ZDHHC3: variants seen among roughly 807,000 people sequenced by gnomAD.
ZDHHC3 encodes palmitoyltransferase ZDHHC3.
In ZDHHC3, 9 loss-of-function variants were observed where a neutral mutation model predicts 30.6. The ratio of observed to expected loss-of-function variants is 0.29; its 90% CI spans 0.18 to 0.51. ZDHHC3 has a LOEUF of 0.51. ZDHHC3 is among the 20% of genes least tolerant of loss of function. The probability of loss-of-function intolerance (pLI) is 0.97; values close to 1 mark genes in which losing one functional copy is unlikely to be tolerated. For synonymous variants in ZDHHC3, 136 were observed against 140.2 expected (o/e 0.97, Z 0.21); for missense variants, 246 against 384.2 (o/e 0.64, Z 3.01).
In ZDHHC3 at chr3:44,917,884, C is replaced by T. The variant is rs1233269031; in HGVS notation, c.*8805G>A. On this transcript the variant is annotated 3_prime_UTR_variant, in exon 7 of 7. Transcript: ENST00000424952. ...ACTTTTTAGTGTTTGCTTCTCTCCC[C>T]ACAGCAGCATCTATTCATCTGTCAC... 61 of 1,299,624 alleles carry T rather than the reference C, an allele frequency of 4.7e-5. No homozygotes were observed. Among genetic ancestry groups the T allele is most frequent in the Non-Finnish European group, 6.0e-5 (59 of 988,628 alleles). The allele number at this position is 1,299,624 out of a possible 1,614,324, so 80.5% of individuals were successfully genotyped here.
At chr3:44,965,650 A>T (rs372206807) in intron 1 of ZDHHC3, among the ~76,000 whole-genome samples, 1 of 152,228 alleles carries the variant, frequency 6.6e-6, no homozygotes, top group Non-Finnish European at 1.5e-5. Flanking sequence ...CCCACAGTCC[A>T]TGCTTTATGG....
rs1317904857 is a variant in ZDHHC3, at chr3:44,918,236, G to A, written c.*8453C>T. 55 of 919,390 alleles carry A rather than the reference G, an allele frequency of 6.0e-5. No homozygotes were observed. The highest frequency in any genetic ancestry group is 2.2e-4 in the East Asian group (2 of 9,110). The allele number at this position is 919,390 out of a possible 1,614,324, so 57.0% of individuals were successfully genotyped here. A position where few individuals can be genotyped will look rare whatever the true frequency, so the allele number is the denominator to read the frequency against. The stretch of plus-strand genomic sequence containing the variant: ...CCCAGCTATAGCATAGCAGTGGCGG[G>A]GGGGGGGGCGGGGTGTCCACGGCAT... On this transcript the variant is annotated 3_prime_UTR_variant, in exon 7 of 7. Transcript: ENST00000424952.
Position 44,920,887 on chromosome 3 carries a change from A to G in ZDHHC3, c.*5802T>C, listed in dbSNP as rs1008314584. The G allele has an allele frequency of 1.0e-6, 1 of 985,432 alleles. No homozygotes were observed. The highest frequency in any genetic ancestry group is 1.2e-6 in the Non-Finnish European group (1 of 829,920). 61.0% of individuals were successfully genotyped at this position (985,432 alleles called of 1,614,324 possible). ...TCAGGGAGTGTTGACTTTTGAGTCT[A>G]GAAAGAAAATATTGCAAACAAATCC... On this transcript the variant is annotated 3_prime_UTR_variant, in exon 7 of 7. Coordinates refer to ENST00000424952, the MANE Select transcript of ZDHHC3 (RefSeq NM_001135179.2).
chr3:44,970,033 C>T (rs958473167), intron 1 of ZDHHC3: 1 of 152,212 alleles, frequency 6.6e-6, no homozygotes, highest in African/African-American at 2.4e-5. Flanking sequence ...TAGGCTAGGC[C>T]AGAGCTTGGT....
At chr3:44,948,969 A>G (rs1439587246) in intron 2 of ZDHHC3, among the ~76,000 whole-genome samples, 1 of 152,258 alleles carries the variant, frequency 6.6e-6, no homozygotes, top group Admixed American at 6.5e-5. Flanking sequence ...GGCAATGAGA[A>G]AGTCTGAAGG....
rs1170666671 is a variant in ZDHHC3, at chr3:44,923,241, A to C, written c.*3448T>G. ...CAGACGCCTGCCACCACGCCCAGCT[A>C]ATTTTTTTATATTTTTAGTAGAGAC... On this transcript the variant is annotated 3_prime_UTR_variant, in exon 7 of 7. Coordinates refer to ENST00000424952, the MANE Select transcript of ZDHHC3 (RefSeq NM_001135179.2). 2 of 850,204 alleles carry C rather than the reference A, an allele frequency of 2.4e-6. No homozygotes were observed. Among genetic ancestry groups the C allele is most frequent in the Non-Finnish European group, 2.8e-6 (2 of 707,256 alleles). The allele number at this position is 850,204 out of a possible 1,614,324, so 52.7% of individuals were successfully genotyped here.
rs1238871906 is a variant in ZDHHC3, at chr3:44,972,721, T to C, written c.-25+3212A>G. Among the ~76,000 whole-genome samples, 3 of 152,242 alleles carry C rather than the reference T, an allele frequency of 2.0e-5. No homozygotes were observed. In the East Asian group the frequency reaches 5.8e-4, roughly 29 times the overall value. ...GTCTCAATTGAGCACTTTATTTTAT[T>C]GTCTTGTTCATGCAGTAGTTCGAGG... is the stretch of plus-strand genomic sequence containing the variant. On this transcript the variant is annotated intron_variant, in intron 1 of 6. Coordinates refer to ENST00000424952, the MANE Select transcript of ZDHHC3 (RefSeq NM_001135179.2).
chr3:44,959,577 C>A lies in ZDHHC3; in HGVS notation c.-24-117G>T, dbSNP rs1176955967. The A allele has an allele frequency of 2.6e-6, 2 of 773,740 alleles. No individual in the cohort carries two copies. The highest frequency in any genetic ancestry group is 2.8e-5 in the Admixed American group (1 of 35,546). The allele number at this position is 773,740 out of a possible 1,614,324, so 47.9% of individuals were successfully genotyped here. A position where few individuals can be genotyped will look rare whatever the true frequency, so the allele number is the denominator to read the frequency against. Reference sequence around the variant, plus strand: ...TTATCTGCAACCCCTGTGTGCAAAGCCACCTAATCACCTTGTTCATTTAAA... The same window carrying A: ...TTATCTGCAACCCCTGTGTGCAAAGACACCTAATCACCTTGTTCATTTAAA... On this transcript the variant is annotated intron_variant, in intron 1 of 6. Coordinates refer to ENST00000424952, the MANE Select transcript of ZDHHC3 (RefSeq NM_001135179.2). The surrounding 1 kb of genome is among the most constrained non-coding windows in gnomAD (Gnocchi z 4.3).
chr3:44,962,168 T>C (rs1359148695), intron 1 of ZDHHC3, among the ~76,000 whole-genome samples: 1 of 152,180 alleles, frequency 6.6e-6, no homozygotes, highest in Non-Finnish European at 1.5e-5. Flanking sequence ...TTTTTTATCA[T>C]AAATGGTATG....
At position 44,926,251 on chromosome 3, in the gene ZDHHC3, C is replaced by T. The variant is rs1004912148; in HGVS notation, c.*438G>A. Reference sequence around the variant, plus strand: ...AGGTTTTATGTCCCATCGGGGAGCCCGCCACTGCCTCCTGGGCAGTGGGAG... The same window carrying T: ...AGGTTTTATGTCCCATCGGGGAGCCTGCCACTGCCTCCTGGGCAGTGGGAG... On this transcript the variant is annotated 3_prime_UTR_variant, in exon 7 of 7. Coordinates refer to ENST00000424952, the MANE Select transcript of ZDHHC3 (RefSeq NM_001135179.2). The T allele has an allele frequency of 4.1e-6, 4 of 987,016 alleles. No homozygotes were observed. The African/African-American group carries it at 7.0e-5, about 17-fold the overall frequency. The allele number at this position is 987,016 out of a possible 1,614,324, so 61.1% of individuals were successfully genotyped here.
intron 1 of ZDHHC3, among the ~76,000 whole-genome samples, chr3:44,962,155 G>GA (rs1419272243): frequency 1.3e-5 from 2 of 151,784 alleles, no homozygotes; most frequent in Non-Finnish European, 2.9e-5. Context: ...CTATCAAACT[G>GA]TTTTTTTTAT....
chr3:44,974,300 C>T (rs1412536460), intron 1 of ZDHHC3, among the ~76,000 whole-genome samples: 2 of 152,200 alleles, frequency 1.3e-5, no homozygotes, highest in African/African-American at 4.8e-5. Context: ...TATTTTAAGA[C>T]ATTGGAAAAT....
rs1700746496 is a variant in ZDHHC3, at chr3:44,923,362, G to C, written c.*3327C>G. 3.0e-6 allele frequency: 3 copies of C among 985,254 alleles called. No individual in the cohort carries two copies. Among genetic ancestry groups the C allele is most frequent in the Admixed American group, 6.1e-5 (1 of 16,268 alleles). The allele number at this position is 985,254 out of a possible 1,614,324, so 61.0% of individuals were successfully genotyped here. A position where few individuals can be genotyped will look rare whatever the true frequency, so the allele number is the denominator to read the frequency against. ...AAGTGCTGGGATTACAGGCGTGAGG[G>C]ATGTCCACAGTGAGAAGTGTCCGCG... is the stretch of plus-strand genomic sequence containing the variant. On this transcript the variant is annotated 3_prime_UTR_variant, in exon 7 of 7. Transcript: ENST00000424952.
In ZDHHC3 at chr3:44,929,087, G is replaced by A. The variant is rs576022492; in HGVS notation, c.741+219C>T. On this transcript the variant is annotated intron_variant, in intron 6 of 6. Coordinates refer to ENST00000424952, the MANE Select transcript of ZDHHC3 (RefSeq NM_001135179.2). ...GCCTTTCAGCCACGGCTGCTGGGCCGCACTCCTGGTGTGATCTGCTATGGC... is the reference window on the plus strand; with the variant it reads ...GCCTTTCAGCCACGGCTGCTGGGCCACACTCCTGGTGTGATCTGCTATGGC... Among the ~76,000 whole-genome samples the A allele has an allele frequency of 4.6e-5, 7 of 152,326 alleles. No individual in the cohort carries two copies. In the South Asian group the frequency reaches 1.0e-3, roughly 23 times the overall value.
chr3:44,955,821 A>G (rs1703904135), intron 2 of ZDHHC3, among the ~76,000 whole-genome samples: 1 of 152,198 alleles, frequency 6.6e-6, no homozygotes, highest in Non-Finnish European at 1.5e-5. Flanking sequence ...TGCATGAGAT[A>G]TCATGTGCTG....
At chr3:44,929,180 T>A (rs1294489187) in intron 6 of ZDHHC3, 126 bp downstream of exon 6, 1 of 1,253,004 alleles carries the variant, frequency 8.0e-7, no homozygotes. Flanking sequence ...CAAAGAACTG[T>A]GCCCTGCACA....
chr3:44,942,811 C>T (rs4683012), intron 3 of ZDHHC3, among the ~76,000 whole-genome samples: 2 of 152,008 alleles, frequency 1.3e-5, no homozygotes, highest in Admixed American at 6.5e-5. Flanking sequence ...GAAGGTCCAC[C>T]GTGTAGCAAG....
Position 44,923,900 on chromosome 3 carries a change from T to C in ZDHHC3, c.*2789A>G. The C allele has an allele frequency of 3.0e-6, 3 of 985,412 alleles. No individual in the cohort carries two copies. Among genetic ancestry groups the C allele is most frequent in the Non-Finnish European group, 3.6e-6 (3 of 829,922 alleles). 61.0% of individuals were successfully genotyped at this position (985,412 alleles called of 1,614,324 possible). On this transcript the variant is annotated 3_prime_UTR_variant, in exon 7 of 7. Transcript: ENST00000424952. ...TCTACCCAAATGTGTTTTGTGTACA[T>C]GATATTACCAAGCCCATGCAAATAT...
At chr3:44,951,299 C>T (rs981460442) in intron 2 of ZDHHC3, among the ~76,000 whole-genome samples, 1 of 152,168 alleles carries the variant, frequency 6.6e-6, no homozygotes, top group Non-Finnish European at 1.5e-5. Flanking sequence ...AGAACTCCTT[C>T]CACATTCTCT....
Sources: gnomAD v4.1 joint callset for allele counts (sites outside exome capture counted in the v4.1 genomes callset) on GRCh38, gnomAD v4.1.1 for gene constraint, Gnocchi (gnomAD v3.1) non-coding constraint, MANE v1.5 for transcripts, NCBI Gene and HGNC (gene_info 2026-07-23, HGNC 2026-07-21) for gene names.